Variants in FBXO11 observed in about 807,000 individuals in gnomAD.
FBXO11 encodes the protein F-box only protein 11.
In FBXO11, 13 loss-of-function variants were observed where a neutral mutation model predicts 117.0. The ratio of observed to expected loss-of-function variants is 0.11; its 90% CI spans 0.07 to 0.18. The LOEUF is 0.18. Among genes scored for constraint, FBXO11 ranks in the 10% least tolerant of loss-of-function variants. The probability of loss-of-function intolerance (pLI) is 1.00; values close to 1 mark genes in which losing one functional copy is unlikely to be tolerated. For missense variants in FBXO11, 767 were observed against 1,164.4 expected (o/e 0.66, Z 4.97); for synonymous variants, 490 against 380.5 (o/e 1.29, Z -3.35).
At chr2:47,880,445 T>C in intron 1 of FBXO11, among the ~76,000 whole-genome samples, 1 of 152,232 alleles carries the variant, frequency 6.6e-6, no homozygotes, top group East Asian at 1.9e-4. Flanking sequence ...ATTTCATTTT[T>C]TCAGTTTTCC....
intron 1 of FBXO11, among the ~76,000 whole-genome samples, chr2:47,854,692 G>A (rs1190759193): frequency 2.0e-5 from 3 of 151,968 alleles, no homozygotes; most frequent in East Asian, 1.9e-4. Context: ...CTCCACCTCC[G>A]TAATTTCTGA....
intron 1 of FBXO11, among the ~76,000 whole-genome samples, chr2:47,841,133 G>A (rs1672981088): frequency 6.6e-6 from 1 of 151,972 alleles, no homozygotes; most frequent in African/African-American, 2.4e-5. Flanking sequence ...GGGAGGCAGA[G>A]CTTGCAGTGA....
chr2:47,894,850 G>A (rs1558480925), intron 1 of FBXO11, among the ~76,000 whole-genome samples: 1 of 152,102 alleles, frequency 6.6e-6, no homozygotes, highest in Non-Finnish European at 1.5e-5. Context: ...GCAAAAAAAT[G>A]AAAATGTGAA....
In FBXO11 at chr2:47,807,782, G is replaced by GC. The variant is rs1670326136; in HGVS notation, c.*335_*336insG. On this transcript the variant is annotated 3_prime_UTR_variant, in exon 23 of 23. Transcript: ENST00000403359. ...GCAACAAAGCTGCTTGTCTATTGAA[G>GC]ATTACTACTGCAAATTGGACTGCAT... The GC allele has an allele frequency of 3.9e-6, 1 of 258,072 alleles. No individual in the cohort carries two copies. Among genetic ancestry groups the GC allele is most frequent in the Non-Finnish European group, 7.5e-6 (1 of 132,838 alleles). 16.0% of individuals were successfully genotyped at this position (258,072 alleles called of 1,614,324 possible).
intron 11 of FBXO11, among the ~76,000 whole-genome samples, chr2:47,824,631 A>C (rs1671617008): frequency 6.6e-6 from 1 of 152,214 alleles, no homozygotes; most frequent in Admixed American, 6.5e-5. Context: ...GTTAAATGAA[A>C]AGAACAAGTT....
chr2:47,816,510 G>T (rs1671018745), intron 16 of FBXO11, among the ~76,000 whole-genome samples: 1 of 152,124 alleles, frequency 6.6e-6, no homozygotes, highest in Non-Finnish European at 1.5e-5. Flanking sequence ...ATGAAATCTG[G>T]AATGGTGAAT....
At chr2:47,861,495 T>A (rs114973742) in intron 1 of FBXO11, among the ~76,000 whole-genome samples, 13,196 of 151,902 alleles carry the variant, frequency 0.087, 772 homozygotes, top group Non-Finnish European at 0.13. Context: ...ATTAAAAAAA[T>A]TTTTTTTGGA....
At chr2:47,841,496 C>T (rs1673008270) in intron 1 of FBXO11, among the ~76,000 whole-genome samples, 1 of 152,172 alleles carries the variant, frequency 6.6e-6, no homozygotes, top group African/African-American at 2.4e-5. Flanking sequence ...CCAAAAACAT[C>T]AAACCTGAAT....
At chr2:47,900,734 G>A (rs1181995739) in intron 1 of FBXO11, among the ~76,000 whole-genome samples, 3 of 95,820 alleles carry the variant, frequency 3.1e-5, no homozygotes, top group East Asian at 6.3e-4. Context: ...ACACACACGT[G>A]TATATATATA....
At chr2:47,838,732 T>A in intron 4 of FBXO11, 127 bp downstream of exon 4, 1 of 757,738 alleles carries the variant, frequency 1.3e-6, no homozygotes, top group Non-Finnish European at 2.1e-6. Flanking sequence ...TTGGAATTGA[T>A]AAGCATTTTA....
intron 11 of FBXO11, among the ~76,000 whole-genome samples, chr2:47,824,217 A>G (rs140391155): frequency 4.7e-4 from 72 of 152,306 alleles, no homozygotes; most frequent in African/African-American, 1.7e-3. Context: ...TCAGCTTCTA[A>G]AAGTTGTGGC....
intron 1 of FBXO11, among the ~76,000 whole-genome samples, chr2:47,894,114 A>G (rs1677472785): frequency 6.6e-6 from 1 of 152,222 alleles, no homozygotes; most frequent in Non-Finnish European, 1.5e-5. Flanking sequence ...ATCATGAGGA[A>G]TACAAGTTTA....
At chr2:47,901,248 G>A (rs1228132743) in intron 1 of FBXO11, among the ~76,000 whole-genome samples, 1 of 149,918 alleles carries the variant, frequency 6.7e-6, no homozygotes, top group African/African-American at 2.5e-5. Flanking sequence ...AGAGAGACTA[G>A]GTTTTTATTC....
At chr2:47,823,941 C>T (rs1671560605) in intron 11 of FBXO11, among the ~76,000 whole-genome samples, 1 of 151,962 alleles carries the variant, frequency 6.6e-6, no homozygotes, top group African/African-American at 2.4e-5. Flanking sequence ...AAACAATCCT[C>T]CCGCCTCAGC....
At chr2:47,854,279 C>A (rs866252832) in intron 1 of FBXO11, among the ~76,000 whole-genome samples, 1 of 150,576 alleles carries the variant, frequency 6.6e-6, no homozygotes, top group African/African-American at 2.4e-5. Context: ...TTAAACCTAC[C>A]TATCTCTACC....
chr2:47,854,732 G>T (rs1348562782), intron 1 of FBXO11, among the ~76,000 whole-genome samples: 3 of 152,128 alleles, frequency 2.0e-5, no homozygotes, highest in Non-Finnish European at 2.9e-5. Context: ...ATGAGAATTT[G>T]CAGTGCTAAC....
chr2:47,849,435 T>A (rs943825639), intron 1 of FBXO11, among the ~76,000 whole-genome samples: 1 of 152,198 alleles, frequency 6.6e-6, no homozygotes, highest in Non-Finnish European at 1.5e-5. Context: ...CACAGGATCA[T>A]TATACTTAAA....
intron 1 of FBXO11, among the ~76,000 whole-genome samples, chr2:47,852,709 A>G (rs1270699215): frequency 6.6e-6 from 1 of 152,254 alleles, no homozygotes; most frequent in Non-Finnish European, 1.5e-5. Flanking sequence ...CACTACTGCT[A>G]ACAGTGTACC....
intron 1 of FBXO11, among the ~76,000 whole-genome samples, chr2:47,857,072 T>TC (rs1433307926): frequency 6.6e-6 from 1 of 152,180 alleles, no homozygotes; most frequent in African/African-American, 2.4e-5. Context: ...GCACAGAAAC[T>TC]CATCTACTTT....
Sources: allele counts gnomAD v4.1 joint callset (sites outside exome capture counted in the v4.1 genomes callset), GRCh38; gene constraint gnomAD v4.1.1; transcripts MANE v1.5; gene names NCBI Gene and HGNC (gene_info 2026-07-23, HGNC 2026-07-21).